Variants in GLIS3 observed in about 807,000 individuals in gnomAD.
GLIS3 encodes GLIS family zinc finger 3.
A neutral mutation model predicts 78.6 loss-of-function variants in GLIS3; 53 were observed. The ratio of observed to expected loss-of-function variants is 0.67; its 90% CI spans 0.54 to 0.85. GLIS3 has a LOEUF of 0.85. GLIS3 is among the 40% of genes least tolerant of loss of function. GLIS3 has a pLI of 0.00. For missense variants in GLIS3, 1,703 were observed against 1,231.1 expected (o/e 1.38, Z -5.74); for synonymous variants, 684 against 509.9 (o/e 1.34, Z -4.60).
chr9:4,420,383 C>T, the GLIS3 span, among the ~76,000 whole-genome samples: 1 of 152,300 alleles, frequency 6.6e-6, no homozygotes, highest in African/African-American at 2.4e-5. Flanking sequence ...TCCCACTAAC[C>T]TAACGAGAAG....
the GLIS3 span, among the ~76,000 whole-genome samples, chr9:4,420,407 T>C: frequency 1.3e-5 from 2 of 152,210 alleles, no homozygotes; most frequent in African/African-American, 4.8e-5. Flanking sequence ...GATAATTAGA[T>C]GATTATCTAG....
chr9:4,360,151 G>A, the GLIS3 span, among the ~76,000 whole-genome samples: 2 of 152,074 alleles, frequency 1.3e-5, no homozygotes, highest in Admixed American at 1.3e-4. Context: ...CATGCTATTT[G>A]TTCTGGAGAG....
intron 4 of GLIS3, among the ~76,000 whole-genome samples, chr9:3,959,967 C>T (rs1817436215): frequency 6.6e-6 from 1 of 152,204 alleles, no homozygotes; most frequent in African/African-American, 2.4e-5. Context: ...GCCTGGCCAA[C>T]ATGGTGAAAC....
At chr9:3,960,312 C>G (rs1453403872) in intron 4 of GLIS3, among the ~76,000 whole-genome samples, 1 of 152,194 alleles carries the variant, frequency 6.6e-6, no homozygotes, top group African/African-American at 2.4e-5. Context: ...CTGCTGACTT[C>G]CAATCTCCAG....
chr9:3,855,434 A>G (rs1274141800), intron 9 of GLIS3: 1 of 161,582 alleles, frequency 6.2e-6, no homozygotes, highest in African/African-American at 2.4e-5. Flanking sequence ...AAGTCTGCAC[A>G]TTAATAGTGA....
At chr9:4,099,074 G>C (rs1374148168) in intron 4 of GLIS3, among the ~76,000 whole-genome samples, 3 of 152,190 alleles carry the variant, frequency 2.0e-5, no homozygotes, top group Non-Finnish European at 4.4e-5. Flanking sequence ...TTGGCTTACT[G>C]CAGTCATGAT....
chr9:3,892,985 T>C (rs575634145), intron 7 of GLIS3, among the ~76,000 whole-genome samples: 1 of 152,174 alleles, frequency 6.6e-6, no homozygotes, highest in Admixed American at 6.5e-5. Context: ...CAGGGTCACA[T>C]GTACAGGTTT....
At chr9:4,275,118 A>T (rs1480925015) in intron 2 of GLIS3, among the ~76,000 whole-genome samples, 1 of 152,218 alleles carries the variant, frequency 6.6e-6, no homozygotes, top group Non-Finnish European at 1.5e-5. Flanking sequence ...TAAAGACTTC[A>T]TATAGATAGA....
At chr9:4,093,342 T>C (rs755598460) in intron 4 of GLIS3, among the ~76,000 whole-genome samples, 1 of 151,880 alleles carries the variant, frequency 6.6e-6, no homozygotes, top group Non-Finnish European at 1.5e-5. Context: ...TTGCCCCCAG[T>C]GTTTGCACTG....
intron 4 of GLIS3, among the ~76,000 whole-genome samples, chr9:3,964,112 G>C (rs1304686506): frequency 1.3e-5 from 2 of 151,122 alleles, no homozygotes; most frequent in African/African-American, 4.9e-5. Context: ...AAGTATCATT[G>C]CTGGCCCAAG....
the GLIS3 span, among the ~76,000 whole-genome samples, chr9:4,409,266 G>T: frequency 6.6e-6 from 1 of 152,098 alleles, no homozygotes; most frequent in Non-Finnish European, 1.5e-5. Flanking sequence ...TTTTAAACTG[G>T]ATTCTGATCC....
At chr9:4,383,281 A>G in the GLIS3 span, among the ~76,000 whole-genome samples, 2 of 152,220 alleles carry the variant, frequency 1.3e-5, no homozygotes, top group South Asian at 2.1e-4. Flanking sequence ...CTCCAACCAG[A>G]TTGCATTTTT....
intron 8 of GLIS3, among the ~76,000 whole-genome samples, chr9:3,856,386 TAC>T (rs1055711777): frequency 3.5e-4 from 54 of 152,258 alleles, no homozygotes; most frequent in African/African-American, 1.3e-3. Context: ...TCAACTGAGA[TAC>T]AGAGGGAATA....
chr9:4,078,084 C>G (rs1201269000), intron 4 of GLIS3, among the ~76,000 whole-genome samples: 1 of 152,016 alleles, frequency 6.6e-6, no homozygotes, highest in Non-Finnish European at 1.5e-5. Flanking sequence ...TGATATGGTC[C>G]CCCATTGCTG....
intron 1 of GLIS3, among the ~76,000 whole-genome samples, chr9:4,295,448 CT>C (rs1333911382): frequency 1.3e-5 from 2 of 152,150 alleles, no homozygotes; most frequent in Admixed American, 1.3e-4. Context: ...TTTCCATCAT[CT>C]TTAAAGGGGG....
At chr9:4,283,982 G>C (rs1428046365) in intron 2 of GLIS3, among the ~76,000 whole-genome samples, 1 of 152,216 alleles carries the variant, frequency 6.6e-6, no homozygotes, top group Non-Finnish European at 1.5e-5. Context: ...ACAGGGAAGA[G>C]AATCAAGAAG....
chr9:4,253,719 C>T (rs1240152684), intron 2 of GLIS3, among the ~76,000 whole-genome samples: 1 of 152,204 alleles, frequency 6.6e-6, no homozygotes, highest in Non-Finnish European at 1.5e-5. Flanking sequence ...GTGCTTGAAA[C>T]CCACGGCCCT....
At chr9:4,292,967 T>C (rs1159340260) in intron 1 of GLIS3, among the ~76,000 whole-genome samples, 2 of 152,174 alleles carry the variant, frequency 1.3e-5, no homozygotes, top group Non-Finnish European at 1.5e-5. Context: ...AAACACTGAA[T>C]AGCACATGGC....
intron 2 of GLIS3, among the ~76,000 whole-genome samples, chr9:4,191,586 T>G (rs576991108): frequency 7.2e-5 from 11 of 152,228 alleles, no homozygotes; most frequent in Non-Finnish European, 1.5e-4. Context: ...CTCTTCAAAC[T>G]TCCTTTCATT....
Sources: allele counts gnomAD v4.1 joint callset (sites outside exome capture counted in the v4.1 genomes callset), GRCh38; gene constraint gnomAD v4.1.1; transcripts MANE v1.5; gene names NCBI Gene and HGNC (gene_info 2026-07-23, HGNC 2026-07-21).